Variants in ADAMTS2 observed in about 807,000 individuals in gnomAD.
The protein encoded by ADAMTS2 is A disintegrin and metalloproteinase with thrombospondin motifs 2.
ADAMTS2 carries 50 observed loss-of-function variants against 123.0 expected under a neutral mutation model. The observed-to-expected ratio is 0.41, with a 90% CI of 0.32 to 0.51. The LOEUF (loss-of-function observed/expected upper bound fraction) is 0.51. Ranked by LOEUF, ADAMTS2 falls within the 20% of genes least tolerant of loss-of-function variation. The probability of loss-of-function intolerance (pLI) is 0.35; values close to 1 mark genes in which losing one functional copy is unlikely to be tolerated. For missense variants in ADAMTS2, 1,494 were observed against 1,705.2 expected (o/e 0.88, Z 2.18); for synonymous variants, 678 against 695.4 (o/e 0.98, Z 0.39).
intron 2 of ADAMTS2, among the ~76,000 whole-genome samples, chr5:179,304,999 G>C (rs1462862707): frequency 2.7e-5 from 4 of 149,578 alleles, no homozygotes; most frequent in Non-Finnish European, 5.9e-5. Context: ...GATAACTGCA[G>C]ATTTCTTATC....
chr5:179,195,418 G>A (rs1313121038), intron 4 of ADAMTS2, among the ~76,000 whole-genome samples: 2 of 152,206 alleles, frequency 1.3e-5, no homozygotes, highest in South Asian at 2.1e-4. Context: ...TCCTGCAGCC[G>A]TGTTCTGCTT....
At chr5:179,252,863 A>T (rs935199596) in intron 3 of ADAMTS2, among the ~76,000 whole-genome samples, 2 of 152,272 alleles carry the variant, frequency 1.3e-5, no homozygotes, top group Non-Finnish European at 2.9e-5. Flanking sequence ...TCTCTCAAAA[A>T]TGATGATAAA....
chr5:179,135,805 C>T, intron 13 of ADAMTS2, 104 bp downstream of exon 13: 1 of 1,523,026 alleles, frequency 6.6e-7, no homozygotes, highest in Non-Finnish European at 8.9e-7. Context: ...ACTTCGTATG[C>T]TTCACCTCAT....
At chr5:179,182,510 G>A (rs1229835958) in intron 4 of ADAMTS2, among the ~76,000 whole-genome samples, 1 of 152,174 alleles carries the variant, frequency 6.6e-6, no homozygotes, top group African/African-American at 2.4e-5. Flanking sequence ...CAAGGAGAAT[G>A]ACATCATGAT....
In ADAMTS2 at chr5:179,118,748, A is replaced by T. The variant is rs1051883951; in HGVS notation, c.3178+2913T>A. Among the ~76,000 whole-genome samples, 1 of 152,100 alleles carries T rather than the reference A, an allele frequency of 6.6e-6. No homozygotes were observed. The highest frequency in any genetic ancestry group is 1.5e-5 in the Non-Finnish European group (1 of 68,016). On this transcript the variant is annotated intron_variant, in intron 21 of 21. Coordinates refer to ENST00000251582, the MANE Select transcript of ADAMTS2 (RefSeq NM_014244.5). This position sits in a 1 kb window ranked among gnomAD's most constrained non-coding sequence, Gnocchi z 4.5. ...TTAACTCATCAAATTCTAGAGAGAG[A>T]CTCCTGCCTGCCAAGCTCTGAGCTG...
intron 3 of ADAMTS2, among the ~76,000 whole-genome samples, chr5:179,232,947 C>A (rs1344597174): frequency 6.6e-6 from 1 of 152,138 alleles, no homozygotes; most frequent in African/African-American, 2.4e-5. Context: ...GCATTTCCAA[C>A]AAGTCTGGAG....
In ADAMTS2 at chr5:179,113,762, G is replaced by T; in HGVS notation, c.*105C>A. The T allele has an allele frequency of 8.4e-7, 1 of 1,194,776 alleles. No homozygotes were observed. Among genetic ancestry groups the T allele is most frequent in the Non-Finnish European group, 1.2e-6 (1 of 809,560 alleles). 74.0% of individuals were successfully genotyped at this position (1,194,776 alleles called of 1,614,324 possible). ...CCTCTTTGTTTTCTCAAAACCTTTT[G>T]GAATCAGGAATTTTGACTTCATCTC... On this transcript the variant is annotated 3_prime_UTR_variant, in exon 22 of 22. Transcript: ENST00000251582.
At chr5:179,245,764 T>A (rs1283571840) in intron 3 of ADAMTS2, among the ~76,000 whole-genome samples, 2 of 6,462 alleles carry the variant, frequency 3.1e-4, no homozygotes, top group Admixed American at 3.5e-3. Flanking sequence ...AGACTCCGTC[T>A]CAAAAAAAAA....
intron 3 of ADAMTS2, among the ~76,000 whole-genome samples, chr5:179,269,200 C>G (rs1008526459): frequency 6.6e-6 from 1 of 152,176 alleles, no homozygotes; most frequent in Non-Finnish European, 1.5e-5. Context: ...AACAGATTCT[C>G]CCCTGGAGCC....
intron 2 of ADAMTS2, among the ~76,000 whole-genome samples, chr5:179,323,368 G>T (rs748181254): frequency 3.9e-5 from 6 of 152,266 alleles, no homozygotes; most frequent in Non-Finnish European, 7.3e-5. Flanking sequence ...AGGACAGAGA[G>T]AATACTTTGG....
chr5:179,245,427 C>T (rs1463991971), intron 3 of ADAMTS2, among the ~76,000 whole-genome samples: 5 of 152,036 alleles, frequency 3.3e-5, no homozygotes, highest in Non-Finnish European at 4.4e-5. Flanking sequence ...AATTTGTTAC[C>T]GCAGCAATCA....
rs146738505 is a variant in ADAMTS2 at position 179,232,734 on chromosome 5, G to A, written c.689-25019C>T. Among the ~76,000 whole-genome samples, 408 of 152,148 alleles carry A rather than the reference G, an allele frequency of 2.7e-3. 4 individuals are homozygous for A. The highest frequency in any genetic ancestry group is 9.3e-3 in the African/African-American group (386 of 41,494). On this transcript the variant is annotated intron_variant, in intron 3 of 21. Transcript: ENST00000251582. ...AGATCGGTAAAGTGCCTTGTAGACT[G>A]TGATGATCATATTTTTGTCTTTGAT...
chr5:179,205,885 C>T (rs1371875566), intron 4 of ADAMTS2, among the ~76,000 whole-genome samples: 2 of 151,990 alleles, frequency 1.3e-5, no homozygotes, highest in African/African-American at 4.8e-5. Context: ...CATTCTCCTG[C>T]CTCAGCCTCC....
At chr5:179,310,421 G>A (rs1413755177) in intron 2 of ADAMTS2, among the ~76,000 whole-genome samples, 1 of 152,190 alleles carries the variant, frequency 6.6e-6, no homozygotes, top group Admixed American at 6.5e-5. Flanking sequence ...TGCCTTGCAG[G>A]GTACAGTATG....
At chr5:179,124,341 C>T (rs941227938) in intron 19 of ADAMTS2, among the ~76,000 whole-genome samples, 25 of 152,140 alleles carry the variant, frequency 1.6e-4, no homozygotes, top group African/African-American at 5.1e-4. Context: ...TAGGACCACC[C>T]CTGAAGCCCT....
At chr5:179,226,786 G>C (rs1765301380) in intron 3 of ADAMTS2, among the ~76,000 whole-genome samples, 1 of 152,178 alleles carries the variant, frequency 6.6e-6, no homozygotes, top group Admixed American at 6.5e-5. Flanking sequence ...TCCTACAAAT[G>C]TCCTCATACA....
In ADAMTS2 at chr5:179,135,475, C is replaced by T. The variant is rs77341492; in HGVS notation, c.2085+434G>A. Among the ~76,000 whole-genome samples the T allele has an allele frequency of 1.1e-3, 166 of 152,358 alleles. 5 individuals carry two copies. In the East Asian group the frequency reaches 0.028, roughly 25 times the overall value. On this transcript the variant is annotated intron_variant, in intron 13 of 21. Coordinates refer to ENST00000251582, the MANE Select transcript of ADAMTS2 (RefSeq NM_014244.5). ...AAGAAAACAGAGGAGGGCATTTCTA[C>T]AAAGCACCAAACCAGTGACCCTCAC... is the stretch of plus-strand genomic sequence containing the variant.
intron 5 of ADAMTS2, among the ~76,000 whole-genome samples, chr5:179,169,443 T>C (rs1763772546): frequency 6.6e-6 from 1 of 152,234 alleles, no homozygotes; most frequent in Non-Finnish European, 1.5e-5. Context: ...AAGGGCAGTG[T>C]CCAGCCTTAG....
chr5:179,193,325 T>C (rs1035076907), intron 4 of ADAMTS2, among the ~76,000 whole-genome samples: 33 of 152,164 alleles, frequency 2.2e-4, no homozygotes, highest in Non-Finnish European at 4.0e-4. Context: ...CGCCGAGTAC[T>C]TCCCCGCGTG....
Sources: allele counts gnomAD v4.1 joint callset (sites outside exome capture counted in the v4.1 genomes callset), GRCh38; gene constraint gnomAD v4.1.1; non-coding constraint Gnocchi (gnomAD v3.1); transcripts MANE v1.5; gene names NCBI Gene and HGNC (gene_info 2026-07-23, HGNC 2026-07-21).